Variants in CDH20 observed in about 807,000 individuals in gnomAD.
CDH20 encodes the protein cadherin 20, also known as cadherin-20.
In CDH20, 29 loss-of-function variants were observed where a neutral mutation model predicts 74.2. That is an observed-to-expected ratio of 0.39 (90% CI 0.29 to 0.53). CDH20 has a LOEUF of 0.53. Among genes scored for constraint, CDH20 ranks in the 20% least tolerant of loss-of-function variants. The pLI, the probability that CDH20 is intolerant of heterozygous loss-of-function variation, is 0.69. For synonymous variants in CDH20, 469 were observed against 405.4 expected (o/e 1.16, Z -1.88); for missense variants, 988 against 1,048.3 (o/e 0.94, Z 0.79).
intron 6 of CDH20, among the ~76,000 whole-genome samples, chr18:61,518,851 T>C (rs1306916254): frequency 1.3e-5 from 2 of 151,124 alleles, no homozygotes; most frequent in East Asian, 1.9e-4. Context: ...TCTAACACAA[T>C]GCAAGGAAGC....
At chr18:61,543,318 G>C (rs185028001) in intron 9 of CDH20, among the ~76,000 whole-genome samples, 74 of 152,330 alleles carry the variant, frequency 4.9e-4, no homozygotes, top group African/African-American at 1.6e-3. Flanking sequence ...TAGAAGCACA[G>C]CTGGCTTTTA....
chr18:61,366,719 C>A (rs893108733), intron 1 of CDH20, among the ~76,000 whole-genome samples: 1 of 151,950 alleles, frequency 6.6e-6, no homozygotes, highest in African/African-American at 2.4e-5. Flanking sequence ...TATAATGTTG[C>A]CCCTTCCCTC....
At chr18:61,484,706 C>G (rs1375342419) in intron 1 of CDH20, among the ~76,000 whole-genome samples, 1 of 150,582 alleles carries the variant, frequency 6.6e-6, no homozygotes, top group Admixed American at 6.6e-5. Flanking sequence ...TTATATAATT[C>G]AAGCTTTCTA....
intron 1 of CDH20, among the ~76,000 whole-genome samples, chr18:61,382,924 T>C (rs1911479422): frequency 6.6e-6 from 1 of 152,164 alleles, no homozygotes; most frequent in Non-Finnish European, 1.5e-5. Context: ...GCACAGATTG[T>C]GAACTCTGGC....
intron 2 of CDH20, among the ~76,000 whole-genome samples, chr18:61,491,948 G>A (rs1394636574): frequency 1.3e-5 from 2 of 152,000 alleles, no homozygotes; most frequent in Non-Finnish European, 2.9e-5. Context: ...GGGCTTGTCA[G>A]CTTTGCCCTA....
At chr18:61,452,433 G>A (rs1431189135) in intron 1 of CDH20, among the ~76,000 whole-genome samples, 2 of 151,970 alleles carry the variant, frequency 1.3e-5, no homozygotes, top group Non-Finnish European at 2.9e-5. Flanking sequence ...ACAATTCTCA[G>A]TTTTTTCCAC....
chr18:61,336,874 A>G (rs1420915450), intron 1 of CDH20, among the ~76,000 whole-genome samples: 1 of 151,864 alleles, frequency 6.6e-6, no homozygotes, highest in East Asian at 1.9e-4. Context: ...TCCACTTTGG[A>G]AGAAAAAGAA....
At chr18:61,550,516 T>G (rs937707435) in intron 11 of CDH20, among the ~76,000 whole-genome samples, 2 of 152,350 alleles carry the variant, frequency 1.3e-5, no homozygotes, top group African/African-American at 4.8e-5. Context: ...CTGGCCTTCC[T>G]GAGTTTACTT....
intron 1 of CDH20, among the ~76,000 whole-genome samples, chr18:61,352,913 T>C (rs755403533): frequency 6.6e-6 from 1 of 152,218 alleles, no homozygotes; most frequent in African/African-American, 2.4e-5. Flanking sequence ...TTGATCAAAA[T>C]TGGCCTGCAT....
intron 1 of CDH20, among the ~76,000 whole-genome samples, chr18:61,358,801 T>A (rs1910586746): frequency 6.6e-6 from 1 of 152,220 alleles, no homozygotes; most frequent in South Asian, 2.1e-4. Flanking sequence ...AAGCATGATT[T>A]TTTTGGTCAT....
Position 61,554,631 on chromosome 18 carries a change from G to A in CDH20, c.2342G>A (p.Gly781Glu). ...EQSFDFLTDWGPRFRKLAELY... is the reference protein window; with the variant it reads ...EQSFDFLTDWEPRFRKLAELY... ...AGCTTCGACTTCCTGACGGACTGGG[G>A]GCCCCGCTTCCGGAAGCTGGCCGAG... The change falls in exon 12 of 12, where the codon GGG becomes GAG. Residue 781 changes from glycine to glutamate, a missense_variant. By Grantham distance (98) the Gly-to-Glu change is moderately conservative. This residue lies in a region of CDH20 where 375 missense variants were observed against 293.1 expected (regional missense o/e 1.28). Coordinates refer to ENST00000262717, the MANE Select transcript of CDH20 (RefSeq NM_031891.4). 1 of 1,603,586 alleles carries A rather than the reference G, an allele frequency of 6.2e-7. No individual in the cohort carries two copies. Among genetic ancestry groups the A allele is most frequent in the Non-Finnish European group, 8.5e-7 (1 of 1,175,630 alleles).
intron 3 of CDH20, among the ~76,000 whole-genome samples, 159 bp downstream of exon 3, chr18:61,499,639 C>T (rs938644201): frequency 2.0e-5 from 3 of 152,184 alleles, no homozygotes; most frequent in South Asian, 4.1e-4. Context: ...CCAAAAATGA[C>T]GACCAAGCCC....
chr18:61,379,261 C>T (rs964785312), intron 1 of CDH20, among the ~76,000 whole-genome samples: 1 of 152,146 alleles, frequency 6.6e-6, no homozygotes, highest in Non-Finnish European at 1.5e-5. Flanking sequence ...AGCAATTTCT[C>T]CTTAATTTGT....
At chr18:61,462,787 A>G (rs1191674632) in intron 1 of CDH20, among the ~76,000 whole-genome samples, 1 of 151,854 alleles carries the variant, frequency 6.6e-6, no homozygotes, top group African/African-American at 2.4e-5. Flanking sequence ...CTAATAACTC[A>G]AGATCCTTGA....
chr18:61,548,964 T>A (rs1414809525), intron 10 of CDH20, among the ~76,000 whole-genome samples: 1 of 152,224 alleles, frequency 6.6e-6, no homozygotes, highest in African/African-American at 2.4e-5. Context: ...GCTCTCAAAA[T>A]TTTTTGTGAT....
chr18:61,526,500 G>C (rs1912419997), intron 6 of CDH20, among the ~76,000 whole-genome samples: 1 of 152,084 alleles, frequency 6.6e-6, no homozygotes, highest in African/African-American at 2.4e-5. Context: ...TTATTGCTAT[G>C]TTGACACACA....
At chr18:61,389,715 C>A (rs1045137952) in intron 1 of CDH20, among the ~76,000 whole-genome samples, 1 of 152,132 alleles carries the variant, frequency 6.6e-6, no homozygotes, top group African/African-American at 2.4e-5. Context: ...CATGCAAAAA[C>A]ACCTCTTTAG....
chr18:61,447,392 G>T (rs1054525638), intron 1 of CDH20, among the ~76,000 whole-genome samples: 2 of 152,158 alleles, frequency 1.3e-5, no homozygotes, highest in Non-Finnish European at 2.9e-5. Context: ...GTTAAGTATG[G>T]TTATGCGGGG....
chr18:61,502,269 G>GT (rs1216921539), intron 4 of CDH20, among the ~76,000 whole-genome samples: 3 of 152,042 alleles, frequency 2.0e-5, no homozygotes, highest in Admixed American at 6.6e-5. Context: ...AAATGAAACC[G>GT]TATCTGCTGC....
Sources: allele counts gnomAD v4.1 joint callset (sites outside exome capture counted in the v4.1 genomes callset), GRCh38; gene constraint gnomAD v4.1.1; regional missense constraint gnomAD v4.1.1; transcripts MANE v1.5; gene names NCBI Gene and HGNC (gene_info 2026-07-23, HGNC 2026-07-21).